The following CDK14 variants were observed in gnomAD, a reference collection of about 807,000 sequenced individuals.
The protein encoded by CDK14 is cyclin dependent kinase 14, also known as cyclin-dependent kinase 14.
A neutral mutation model predicts 60.7 loss-of-function variants in CDK14; 34 were observed. The observed-to-expected ratio is 0.56, with a 90% CI of 0.43 to 0.75. CDK14 has a LOEUF of 0.75. CDK14 is among the 30% of genes least tolerant of loss of function. The probability of loss-of-function intolerance (pLI) is 0.00; values close to 1 mark genes in which losing one functional copy is unlikely to be tolerated. For missense variants in CDK14, 482 were observed against 564.1 expected (o/e 0.85, Z 1.47); for synonymous variants, 197 against 203.7 (o/e 0.97, Z 0.28).
chr7:90,764,804 C>A (rs544431395), intron 4 of CDK14, among the ~76,000 whole-genome samples: 8 of 152,298 alleles, frequency 5.3e-5, no homozygotes, highest in Admixed American at 2.0e-4. Context: ...TCAGAAGGGT[C>A]TCTTTGGGAT....
intron 2 of CDK14, among the ~76,000 whole-genome samples, chr7:90,649,219 A>G (rs1253289625): frequency 7.1e-6 from 1 of 140,610 alleles, no homozygotes; most frequent in Non-Finnish European, 1.6e-5. Flanking sequence ...TAGAGTCAGC[A>G]ACAGCTCTAG....
At chr7:90,842,205 C>A (rs1191327743) in intron 5 of CDK14, among the ~76,000 whole-genome samples, 1 of 152,084 alleles carries the variant, frequency 6.6e-6, no homozygotes, top group Non-Finnish European at 1.5e-5. Flanking sequence ...TATTTTCTTA[C>A]AAGATGCTAT....
At chr7:90,710,473 G>C in intron 2 of CDK14, 1 of 985,102 alleles carries the variant, frequency 1.0e-6, no homozygotes, top group African/African-American at 1.7e-5. Context: ...ATATATTAGA[G>C]ACCTGGGGCT....
chr7:90,859,072 TC>T (rs753897267), intron 5 of CDK14, among the ~76,000 whole-genome samples: 7 of 152,200 alleles, frequency 4.6e-5, no homozygotes, highest in Non-Finnish European at 7.4e-5. Context: ...AAACTAAGTT[TC>T]TCCTGGCAGA....
chr7:91,179,992 G>T (rs1801943050), intron 14 of CDK14, among the ~76,000 whole-genome samples: 1 of 151,970 alleles, frequency 6.6e-6, no homozygotes, highest in Non-Finnish European at 1.5e-5. Context: ...TTATGCTATA[G>T]AGTATTATAG....
chr7:90,938,870 G>A (rs760651196), intron 8 of CDK14, among the ~76,000 whole-genome samples: 1 of 152,166 alleles, frequency 6.6e-6, no homozygotes, highest in Non-Finnish European at 1.5e-5. Flanking sequence ...TACAACATTT[G>A]ATGCATTGTC....
chr7:90,737,595 C>T (rs1186987606), intron 3 of CDK14, among the ~76,000 whole-genome samples: 1 of 152,128 alleles, frequency 6.6e-6, no homozygotes, highest in African/African-American at 2.4e-5. Flanking sequence ...CTGCACAGCA[C>T]CTAGATCTAT....
intron 2 of CDK14, among the ~76,000 whole-genome samples, chr7:90,713,440 C>T (rs1440953604): frequency 6.7e-6 from 1 of 150,352 alleles, no homozygotes; most frequent in Non-Finnish European, 1.5e-5. Flanking sequence ...GCTTTCTATC[C>T]CCCTAACTGT....
chr7:90,949,021 G>GT (rs748520710), intron 8 of CDK14, among the ~76,000 whole-genome samples: 18 of 151,894 alleles, frequency 1.2e-4, no homozygotes, highest in Admixed American at 5.9e-4. Flanking sequence ...AAACCATATT[G>GT]TTTTTATTTT....
chr7:90,889,116 T>C (rs767578193), intron 6 of CDK14, among the ~76,000 whole-genome samples: 23 of 152,244 alleles, frequency 1.5e-4, no homozygotes, highest in Non-Finnish European at 3.1e-4. Context: ...AAGAAAATCA[T>C]TTATACTTAA....
chr7:90,795,796 G>T (rs908170680), intron 5 of CDK14, among the ~76,000 whole-genome samples: 2 of 152,142 alleles, frequency 1.3e-5, no homozygotes, highest in Non-Finnish European at 2.9e-5. Context: ...CTGGTATGCA[G>T]GGTGTGCACT....
intron 12 of CDK14, among the ~76,000 whole-genome samples, chr7:91,082,133 G>A (rs1168507444): frequency 6.6e-6 from 1 of 152,154 alleles, no homozygotes; most frequent in African/African-American, 2.4e-5. Flanking sequence ...TGGCATGTAT[G>A]TGCAATCAAC....
At chr7:91,081,482 G>A (rs1307539155) in intron 12 of CDK14, among the ~76,000 whole-genome samples, 2 of 152,106 alleles carry the variant, frequency 1.3e-5, no homozygotes, top group African/African-American at 4.8e-5. Context: ...CAGTTTAGAT[G>A]GGTTAATATA....
chr7:91,059,525 T>G (rs1210358755), intron 11 of CDK14, among the ~76,000 whole-genome samples: 1 of 152,126 alleles, frequency 6.6e-6, no homozygotes, highest in African/African-American at 2.4e-5. Context: ...CTTTCCTACT[T>G]TCTCTTGTGG....
At chr7:91,139,653 C>A (rs139260994) in intron 14 of CDK14, among the ~76,000 whole-genome samples, 1 of 152,292 alleles carries the variant, frequency 6.6e-6, no homozygotes, top group African/African-American at 2.4e-5. Context: ...GAATGATTTC[C>A]CATGTTCCTT....
intron 4 of CDK14, among the ~76,000 whole-genome samples, chr7:90,757,290 G>C (rs1804116416): frequency 7.0e-6 from 1 of 143,692 alleles, no homozygotes; most frequent in Non-Finnish European, 1.5e-5. Context: ...TTTCTGTCAG[G>C]ACATGAGTTA....
At chr7:90,830,270 C>G (rs780089471) in intron 5 of CDK14, among the ~76,000 whole-genome samples, 2 of 152,228 alleles carry the variant, frequency 1.3e-5, no homozygotes, top group African/African-American at 4.8e-5. Context: ...CTCTTGTCTT[C>G]TGCACACCCA....
At position 91,105,769 on chromosome 7, in the gene CDK14, T is replaced by A. The variant is rs1799275680; in HGVS notation, c.1155-6773T>A. ...CCAGCATTTTAGGTATTGGGAGTTA[T>A]CAGACATACAACTATATTTAAAATG... On this transcript the variant is annotated intron_variant, in intron 12 of 14. Coordinates refer to ENST00000380050, the MANE Select transcript of CDK14 (RefSeq NM_001287135.2). Among the ~76,000 whole-genome samples, 3 of 152,280 alleles carry A rather than the reference T, an allele frequency of 2.0e-5. No homozygotes were observed. The South Asian group carries it at 6.2e-4, about 32-fold the overall frequency.
chr7:90,654,275 G>T (rs1455131126), intron 2 of CDK14, among the ~76,000 whole-genome samples: 1 of 152,060 alleles, frequency 6.6e-6, no homozygotes, highest in Admixed American at 6.6e-5. Context: ...AATAATAATG[G>T]AAATGAAAAC....
Sources: gnomAD v4.1 joint callset for allele counts (sites outside exome capture counted in the v4.1 genomes callset) on GRCh38, gnomAD v4.1.1 for gene constraint, MANE v1.5 for transcripts, NCBI Gene and HGNC (gene_info 2026-07-23, HGNC 2026-07-21) for gene names.